EGFLAM: variants seen among roughly 807,000 people sequenced by gnomAD.
EGFLAM encodes the protein pikachurin.
A neutral mutation model predicts 113.1 loss-of-function variants in EGFLAM; 79 were observed. The observed-to-expected ratio is 0.70, with a 90% CI of 0.58 to 0.84. The LOEUF (loss-of-function observed/expected upper bound fraction) is 0.84. EGFLAM is among the 40% of genes least tolerant of loss of function. EGFLAM has a pLI of 0.00. For missense variants in EGFLAM, 1,265 were observed against 1,291.6 expected (o/e 0.98, Z 0.32); for synonymous variants, 504 against 487.6 (o/e 1.03, Z -0.44).
At chr5:38,427,312 G>GA in intron 14 of EGFLAM, 60 bp downstream of exon 14, 3 of 1,579,454 alleles carry the variant, frequency 1.9e-6, no homozygotes, top group Non-Finnish European at 2.6e-6. Context: ...AACTGCTTCA[G>GA]AAAAAAACCA....
At chr5:38,383,524 A>T (rs553692857) in intron 6 of EGFLAM, among the ~76,000 whole-genome samples, 2 of 151,962 alleles carry the variant, frequency 1.3e-5, no homozygotes, top group South Asian at 4.2e-4. Flanking sequence ...TTAAGCACTT[A>T]TTCACACAGT....
chr5:38,349,933 G>T (rs1299642401), intron 3 of EGFLAM, among the ~76,000 whole-genome samples: 1 of 146,592 alleles, frequency 6.8e-6, no homozygotes, highest in Non-Finnish European at 1.5e-5. Context: ...CCTGCTCAGG[G>T]CCGTTTGTGC....
chr5:38,403,976 T>C, intron 6 of EGFLAM: 2 of 1,609,510 alleles, frequency 1.2e-6, no homozygotes, highest in Non-Finnish European at 1.7e-6. Flanking sequence ...GTGGAAGGGA[T>C]GAGAACACCG....
intron 17 of EGFLAM, among the ~76,000 whole-genome samples, chr5:38,440,776 T>C (rs1045471020): frequency 6.6e-6 from 1 of 152,182 alleles, no homozygotes; most frequent in African/African-American, 2.4e-5. Flanking sequence ...TCCTTTTACA[T>C]GAAGCAAAAT....
intron 5 of EGFLAM, among the ~76,000 whole-genome samples, chr5:38,364,172 A>G (rs2112019591): frequency 6.6e-6 from 1 of 152,324 alleles, no homozygotes; most frequent in African/African-American, 2.4e-5. Flanking sequence ...ATCTCATGTG[A>G]AAAACATGCA....
chr5:38,301,570 G>T (rs1201982208), intron 1 of EGFLAM, among the ~76,000 whole-genome samples: 1 of 152,106 alleles, frequency 6.6e-6, no homozygotes, highest in Non-Finnish European at 1.5e-5. Flanking sequence ...ACAGGGTCAG[G>T]AGAATTTTTT....
In EGFLAM at chr5:38,388,407, C is replaced by T. The variant is rs147744442; in HGVS notation, c.713-17719C>T. ...GGCCAAGGTGAGAGGATTGCTTGAG[C>T]CCGGAAATTCAAGACCAGCCTGGGC... On this transcript the variant is annotated intron_variant, in intron 6 of 21. Transcript: ENST00000322350. 4.2e-3 allele frequency among the ~76,000 whole-genome samples: 640 copies of T among 152,068 alleles called. 3 individuals are homozygous for T. Among genetic ancestry groups the T allele is most frequent in the African/African-American group, 0.015 (616 of 41,478 alleles).
At chr5:38,337,861 GTGGGAAAATATAAACTAAAAGGACA>G (rs1480404974) in intron 2 of EGFLAM, among the ~76,000 whole-genome samples, 1 of 152,180 alleles carries the variant, frequency 6.6e-6, no homozygotes, top group African/African-American at 2.4e-5. Flanking sequence ...CTGTTCAGCT[GTGGGAAAATATAAACTAAAAGGACA>G]TGGTTTTTGC....
chr5:38,462,380 C>T (rs1743312048), intron 20 of EGFLAM, among the ~76,000 whole-genome samples: 1 of 152,156 alleles, frequency 6.6e-6, no homozygotes, highest in African/African-American at 2.4e-5. Flanking sequence ...AAATTCTCAA[C>T]TCCTTACAAG....
chr5:38,437,322 G>C (rs1742381066), intron 16 of EGFLAM, among the ~76,000 whole-genome samples: 1 of 152,192 alleles, frequency 6.6e-6, no homozygotes, highest in East Asian at 1.9e-4. Flanking sequence ...TAGCAGGAGT[G>C]AGTGGGACAA....
intron 5 of EGFLAM, among the ~76,000 whole-genome samples, chr5:38,365,195 T>C (rs1740027680): frequency 6.6e-6 from 1 of 152,206 alleles, no homozygotes; most frequent in Non-Finnish European, 1.5e-5. Context: ...GCTCTGTCTT[T>C]CTGGAACAGG....
chr5:38,387,694 C>G (rs751737881), intron 6 of EGFLAM, among the ~76,000 whole-genome samples: 8 of 152,250 alleles, frequency 5.3e-5, no homozygotes, highest in Non-Finnish European at 8.8e-5. Context: ...CCTCCTCTTT[C>G]TTTGTCTTGC....
rs766065581 is a variant in EGFLAM, at chr5:38,448,308, A to G, written c.2472A>G (p.Ile824Met). 6.2e-7 allele frequency: 1 copy of G among 1,614,220 alleles called. No individual in the cohort carries two copies. Among genetic ancestry groups the G allele is most frequent in the South Asian group, 1.1e-5 (1 of 91,088 alleles). Residue 824 changes from isoleucine to methionine, a missense_variant, in exon 18 of 22, where the codon ATA becomes ATG. Ile to Met is a conservative substitution (Grantham distance 10, BLOSUM62 1). Coordinates refer to ENST00000322350, the MANE Select transcript of EGFLAM (RefSeq NM_152403.4). ...FEGLHCQKAI[I>M]EAIEIPQFIG... ...TTTTCTGTTCTGTCCCAGCGATCATAGAAGCCATTGAGATCCCGCAGTTTA... is the reference window on the plus strand; with the variant it reads ...TTTTCTGTTCTGTCCCAGCGATCATGGAAGCCATTGAGATCCCGCAGTTTA...
chr5:38,396,512 ACATT>A (rs1410750931), intron 6 of EGFLAM, among the ~76,000 whole-genome samples: 2 of 152,226 alleles, frequency 1.3e-5, no homozygotes, highest in Non-Finnish European at 2.9e-5. Context: ...CGTATAGAAA[ACATT>A]CACTCACTCA....
intron 5 of EGFLAM, among the ~76,000 whole-genome samples, chr5:38,368,250 G>T (rs1362858348): frequency 1.3e-5 from 2 of 152,182 alleles, no homozygotes; most frequent in Non-Finnish European, 2.9e-5. Flanking sequence ...TTGTAAATGT[G>T]TTTCCTTCCA....
intron 1 of EGFLAM, among the ~76,000 whole-genome samples, chr5:38,288,425 ATATTAT>A (rs1246627354): frequency 2.6e-5 from 4 of 152,228 alleles, no homozygotes; most frequent in African/African-American, 9.6e-5. Context: ...TCTATTATGC[ATATTAT>A]TATTCTAGCC....
chr5:38,327,333 G>C (rs1738917257), intron 1 of EGFLAM, among the ~76,000 whole-genome samples: 2 of 152,120 alleles, frequency 1.3e-5, no homozygotes, highest in Admixed American at 6.5e-5. Context: ...CATGTCTTTT[G>C]ATCTTTGGAT....
chr5:38,359,514 A>T (rs1453649377), intron 5 of EGFLAM, among the ~76,000 whole-genome samples: 1 of 152,182 alleles, frequency 6.6e-6, no homozygotes, highest in East Asian at 1.9e-4. Flanking sequence ...ATCTCTGCTA[A>T]AAATACAAAA....
Position 38,412,540 on chromosome 5 carries a change from T to G in EGFLAM, c.1386T>G (p.Ser462Arg). The change falls in exon 11 of 22, where the codon AGT becomes AGG. Residue 462 changes from serine to arginine, a missense_variant. Coordinates refer to ENST00000322350, the MANE Select transcript of EGFLAM (RefSeq NM_152403.4). ...NCGTGVAIIV[S>R]ETKIKLGGWH... ...GAACTGGGGTTGCCATCATCGTAAG[T>G]GAGACCAAAATCAAACTAGGGGGTT... is the stretch of plus-strand genomic sequence containing the variant. 2.5e-6 allele frequency: 4 copies of G among 1,614,140 alleles called. No individual in the cohort carries two copies. The highest frequency in any genetic ancestry group is 2.5e-6 in the Non-Finnish European group (3 of 1,180,036).
Sources: allele counts gnomAD v4.1 joint callset (sites outside exome capture counted in the v4.1 genomes callset), GRCh38; gene constraint gnomAD v4.1.1; transcripts MANE v1.5; gene names NCBI Gene and HGNC (gene_info 2026-07-23, HGNC 2026-07-21).